NPIPB13: variants seen among roughly 807,000 people sequenced by gnomAD.
The protein encoded by NPIPB13 is nuclear pore complex-interacting protein family member B13.
chr16:30,246,528 TG>T (rs1303606295), upstream of NPIPB13, among the ~76,000 whole-genome samples: 1 of 94,004 alleles, frequency 1.1e-5, no homozygotes. Flanking sequence ...CGGACACAGC[TG>T]GGTGATGCCA....
At chr16:30,232,400 C>G (rs1189916139) in intron 3 of NPIPB13, among the ~76,000 whole-genome samples, 19 of 136,628 alleles carry the variant, frequency 1.4e-4, no homozygotes, top group Non-Finnish European at 2.8e-4. Context: ...GCAGGAAAAG[C>G]TTGTGGTGAG....
At chr16:30,233,796 CT>C (rs1245787039) in intron 3 of NPIPB13, among the ~76,000 whole-genome samples, 1 of 142,658 alleles carries the variant, frequency 7.0e-6, no homozygotes, top group Non-Finnish European at 1.6e-5. Flanking sequence ...CATGATGTCC[CT>C]GCTTAGGAGG....
upstream of NPIPB13, among the ~76,000 whole-genome samples, chr16:30,247,250 A>ACG (rs2073617354): frequency 7.9e-6 from 1 of 126,592 alleles, no homozygotes; most frequent in Non-Finnish European, 1.6e-5. Flanking sequence ...CTGTCACTGC[A>ACG]TGTTAGTCAC....
At chr16:30,232,332 T>G (rs1452892126) in intron 3 of NPIPB13, among the ~76,000 whole-genome samples, 1 of 70,802 alleles carries the variant, frequency 1.4e-5, no homozygotes, top group Non-Finnish European at 3.8e-5. Context: ...GGCATGGTGG[T>G]GCATGCCTGT....
At chr16:30,232,487 G>T (rs1488924007) in intron 3 of NPIPB13, among the ~76,000 whole-genome samples, 5 of 146,060 alleles carry the variant, frequency 3.4e-5, no homozygotes, top group Non-Finnish European at 7.7e-5. Flanking sequence ...AAAAAAATAG[G>T]CCAGATGCGG....
chr16:30,237,122 T>TAA (rs1250773833), intron 2 of NPIPB13, among the ~76,000 whole-genome samples: 1 of 562 alleles, frequency 1.8e-3, no homozygotes, highest in South Asian at 4.9e-3. Flanking sequence ...TCAGCATAAG[T>TAA]AAAAAAAAAA....
intron 5 of NPIPB13, among the ~76,000 whole-genome samples, chr16:30,231,065 TC>T (rs1397871265): frequency 6.2e-5 from 3 of 48,288 alleles, no homozygotes; most frequent in Admixed American, 3.3e-4. Flanking sequence ...GCACCTGTAA[TC>T]CCAGCTACTT....
At chr16:30,232,451 T>G (rs1596937913) in intron 3 of NPIPB13, among the ~76,000 whole-genome samples, 3 of 141,322 alleles carry the variant, frequency 2.1e-5, no homozygotes, top group South Asian at 2.2e-4. Flanking sequence ...GCAACAAAAT[T>G]GAAACTCTTG....
At chr16:30,230,560 G>A (rs879364633) in intron 5 of NPIPB13, among the ~76,000 whole-genome samples, 1,633 of 33,420 alleles carry the variant, frequency 0.049, 15 homozygotes, top group Middle Eastern at 0.14. Flanking sequence ...AAAATTATCC[G>A]GGCATGGTGG....
chr16:30,232,508 C>T, intron 3 of NPIPB13, among the ~76,000 whole-genome samples: 1 of 137,692 alleles, frequency 7.3e-6, no homozygotes, highest in African/African-American at 2.6e-5. Context: ...TAGCTCACGC[C>T]TGTAATCCCA....
At chr16:30,232,465 C>CAA (rs141086998) in intron 3 of NPIPB13, among the ~76,000 whole-genome samples, 70 of 115,176 alleles carry the variant, frequency 6.1e-4, no homozygotes, top group South Asian at 4.0e-3. Flanking sequence ...ACTCTTGTCT[C>CAA]AAAAAAAAAA....
At chr16:30,232,505 C>T (rs1282515336) in intron 3 of NPIPB13, among the ~76,000 whole-genome samples, 23 of 138,534 alleles carry the variant, frequency 1.7e-4, no homozygotes, top group Middle Eastern at 3.8e-3. Flanking sequence ...CGGTAGCTCA[C>T]GCCTGTAATC....
chr16:30,232,465 CAAA>C (rs141086998), intron 3 of NPIPB13, among the ~76,000 whole-genome samples: 10 of 115,288 alleles, frequency 8.7e-5, no homozygotes, highest in Admixed American at 8.6e-5. Context: ...ACTCTTGTCT[CAAA>C]AAAAAAAAAA....
upstream of NPIPB13, among the ~76,000 whole-genome samples, chr16:30,246,354 T>C (rs1680207758): frequency 6.6e-6 from 1 of 151,678 alleles, no homozygotes; most frequent in Admixed American, 6.6e-5. Context: ...CAGGTGACCT[T>C]AGAGTGTAAG....
At chr16:30,246,677 TG>T (rs2073615066), upstream of NPIPB13, among the ~76,000 whole-genome samples, 1 of 78,352 alleles carries the variant, frequency 1.3e-5, no homozygotes, top group Non-Finnish European at 2.8e-5. Context: ...CATTTTCCCT[TG>T]GCAAAGAGGG....
At chr16:30,236,361 GCCT>G in intron 2 of NPIPB13, among the ~76,000 whole-genome samples, 1 of 97,440 alleles carries the variant, frequency 1.0e-5, no homozygotes, top group Non-Finnish European at 2.2e-5. Flanking sequence ...TCCTGCCTCA[GCCT>G]CCTGAGTAGC....
chr16:30,228,950 T>C, intron 5 of NPIPB13, among the ~76,000 whole-genome samples: 1 of 152,304 alleles, frequency 6.6e-6, no homozygotes, highest in East Asian at 1.9e-4. Flanking sequence ...CAGAGGCTGA[T>C]GCCGGAACTG....
upstream of NPIPB13, among the ~76,000 whole-genome samples, chr16:30,246,968 GA>G (rs1396220467): frequency 3.8e-5 from 3 of 79,864 alleles, no homozygotes; most frequent in Non-Finnish European, 6.8e-5. Flanking sequence ...GCATGTTTTA[GA>G]AAAAAATCCT....
At chr16:30,238,330 T>A (rs1358201219) in intron 2 of NPIPB13, among the ~76,000 whole-genome samples, 3 of 93,500 alleles carry the variant, frequency 3.2e-5, no homozygotes, top group African/African-American at 9.9e-5. Context: ...TGAAAGGGGG[T>A]TGGTTTATGC....
Sources: allele counts gnomAD v4.1 joint callset (sites outside exome capture counted in the v4.1 genomes callset), GRCh38; gene constraint gnomAD v4.1.1; transcripts MANE v1.5; gene names NCBI Gene and HGNC (gene_info 2026-07-23, HGNC 2026-07-21).